Variants in NXN observed in about 807,000 individuals in gnomAD.
The protein encoded by NXN is nucleoredoxin.
NXN carries 16 observed loss-of-function variants against 48.6 expected under a neutral mutation model. The observed-to-expected ratio is 0.33, with a 90% CI of 0.22 to 0.50. The LOEUF (loss-of-function observed/expected upper bound fraction) is 0.50, where lower values mean the gene tolerates loss of function less well. Ranked by LOEUF, NXN falls within the 20% of genes least tolerant of loss-of-function variation. The probability of loss-of-function intolerance (pLI) is 0.98; values close to 1 mark genes in which losing one functional copy is unlikely to be tolerated. For synonymous variants in NXN, 281 were observed against 269.6 expected, an observed-to-expected ratio of 1.04 and a Z score of -0.41; for missense variants, 492 against 605.5, an observed-to-expected ratio of 0.81 and a Z score of 1.97.
At chr17:885,777 T>C (rs2068339854) in intron 1 of NXN, among the ~76,000 whole-genome samples, 1 of 146,160 alleles carries the variant, frequency 6.8e-6, no homozygotes, top group African/African-American at 2.6e-5. Flanking sequence ...GCCTCCCGGG[T>C]TCACGCCATT....
At chr17:946,743 G>A (rs563485671) in intron 1 of NXN, among the ~76,000 whole-genome samples, 3 of 152,338 alleles carry the variant, frequency 2.0e-5, no homozygotes, top group South Asian at 2.1e-4. Flanking sequence ...TGACGGGCTC[G>A]GCCAGCACAT....
rs146064117 is a variant in NXN at position 802,465 on chromosome 17, T to C, written c.1125+1217A>G. On this transcript the variant is annotated intron_variant, in intron 7 of 7. Coordinates refer to ENST00000336868, the MANE Select transcript of NXN (RefSeq NM_022463.5). The stretch of plus-strand genomic sequence containing the variant: ...CGAAGGAGACAGCCCAGGTGAAATA[T>C]GCGGCTCTGTGCCTGGCGTACAGAA... Among the ~76,000 whole-genome samples the C allele has an allele frequency of 2.7e-3, 412 of 152,280 alleles. 5 individuals carry two copies. The East Asian group carries it at 0.029, about 11-fold the overall frequency.
At chr17:804,038 G>A in intron 6 of NXN, 1 of 550,332 alleles carries the variant, frequency 1.8e-6, no homozygotes. Flanking sequence ...CTCCCCAGGA[G>A]GAACCTGCCT....
chr17:848,035 G>A lies in NXN; in HGVS notation c.361-21957C>T, dbSNP rs978559132. Among the ~76,000 whole-genome samples the A allele has an allele frequency of 2.3e-4, 35 of 152,090 alleles. 1 individual carries two copies. The highest frequency in any genetic ancestry group is 4.6e-4 in the Admixed American group (7 of 15,264). Reference sequence around the variant, plus strand: ...AAAACGGGGCGAGTGAAGGATCGAAGATGAAACACTACGAATTAAGCAGAG... The same window carrying A: ...AAAACGGGGCGAGTGAAGGATCGAAAATGAAACACTACGAATTAAGCAGAG... On this transcript the variant is annotated intron_variant, in intron 1 of 7. Transcript: ENST00000336868.
chr17:888,245 G>T (rs1334539517), intron 1 of NXN, among the ~76,000 whole-genome samples: 1 of 152,124 alleles, frequency 6.6e-6, no homozygotes, highest in Non-Finnish European at 1.5e-5. Flanking sequence ...TTGAGACAGG[G>T]CCTCGCTCTG....
chr17:840,765 T>G (rs1332304545), intron 1 of NXN, among the ~76,000 whole-genome samples: 1 of 152,222 alleles, frequency 6.6e-6, no homozygotes, highest in East Asian at 1.9e-4. Flanking sequence ...CTTTTCTCTC[T>G]TTATCTGAGA....
chr17:833,134 G>T lies in NXN; in HGVS notation c.361-7056C>A, dbSNP rs182074833. Among the ~76,000 whole-genome samples, 514 of 152,042 alleles carry T rather than the reference G, an allele frequency of 3.4e-3. 4 individuals carry two copies. Among genetic ancestry groups the T allele is most frequent in the African/African-American group, 0.011 (473 of 41,480 alleles). ...TCTCGACCTCCTGACCTCGTGATCC[G>T]CCCACCTCAGCCTCCCAAAATGCTG... On this transcript the variant is annotated intron_variant, in intron 1 of 7. Transcript: ENST00000336868.
At position 841,380 on chromosome 17, in the gene NXN, G is replaced by GCGCA. The variant is rs1567827279; in HGVS notation, c.361-15303_361-15302insTGCG. Among the ~76,000 whole-genome samples, 5 of 151,652 alleles carry GCGCA rather than the reference G, an allele frequency of 3.3e-5. 2 individuals are homozygous for GCGCA. The highest frequency in any genetic ancestry group is 9.7e-5 in the African/African-American group (4 of 41,150). On this transcript the variant is annotated intron_variant, in intron 1 of 7. Transcript: ENST00000336868. ...TGGGACCCAGAGCAGCCCACACACG[G>GCGCA]TGCATCTCACGCCGGCGAGCAGGTC...
At chr17:891,203 T>C (rs117242908) in intron 1 of NXN, among the ~76,000 whole-genome samples, 1 of 152,254 alleles carries the variant, frequency 6.6e-6, no homozygotes, top group East Asian at 1.9e-4. Flanking sequence ...GCCTCCCGAA[T>C]GGCTGGGACC....
chr17:935,843 G>C (rs374026998), intron 1 of NXN, among the ~76,000 whole-genome samples: 3 of 151,966 alleles, frequency 2.0e-5, no homozygotes, highest in South Asian at 2.1e-4. Context: ...CTATAATCCC[G>C]GCACTTTGGG....
In NXN at chr17:804,720, G is replaced by A. The variant is rs868839773; in HGVS notation, c.1000+348C>T. ...GAGGATCCGCAGAAGCAGCCTTGGT[G>A]AGCCTCGGCCAGAGGGGCCCAGCCC... On this transcript the variant is annotated intron_variant, in intron 6 of 7. Coordinates refer to ENST00000336868, the MANE Select transcript of NXN (RefSeq NM_022463.5). Among the ~76,000 whole-genome samples, 32 of 152,366 alleles carry A rather than the reference G, an allele frequency of 2.1e-4. No individual in the cohort carries two copies. The Middle Eastern group carries it at 0.014, about 65-fold the overall frequency.
At chr17:893,528 ATCTC>A (rs1401739975) in intron 1 of NXN, among the ~76,000 whole-genome samples, 21 of 152,238 alleles carry the variant, frequency 1.4e-4, no homozygotes, top group Non-Finnish European at 2.5e-4. Flanking sequence ...CAGAGGAAGC[ATCTC>A]AACGCCTGGA....
chr17:882,735 G>A (rs1163184994), intron 1 of NXN, among the ~76,000 whole-genome samples: 1 of 151,086 alleles, frequency 6.6e-6, no homozygotes, highest in Admixed American at 6.6e-5. Flanking sequence ...AAAGTGCTGG[G>A]ATTATAGGCG....
chr17:942,188 T>C (rs1481030314), intron 1 of NXN, among the ~76,000 whole-genome samples: 14 of 127,190 alleles, frequency 1.1e-4, no homozygotes, highest in East Asian at 5.0e-4. Context: ...CAGCCATGAA[T>C]TCACCACACA....
chr17:895,698 G>C (rs953512085), intron 1 of NXN, among the ~76,000 whole-genome samples: 2 of 150,200 alleles, frequency 1.3e-5, no homozygotes, highest in Admixed American at 6.6e-5. Context: ...GGCACCTGTA[G>C]TCCCAGCTAC....
chr17:885,625 C>G (rs34464641), intron 1 of NXN, among the ~76,000 whole-genome samples: 89,554 of 148,690 alleles, frequency 0.6, 27,128 homozygotes, highest in South Asian at 0.68. Flanking sequence ...CACACATGCC[C>G]CTCTCTGAAG....
chr17:814,248 G>C (rs932658182), intron 5 of NXN, among the ~76,000 whole-genome samples: 4 of 152,004 alleles, frequency 2.6e-5, no homozygotes, highest in Admixed American at 1.3e-4. Context: ...GATAGAGTGA[G>C]ACTCTGTCTC....
chr17:911,638 A>T (rs1236410026), intron 1 of NXN, among the ~76,000 whole-genome samples: 1 of 147,896 alleles, frequency 6.8e-6, no homozygotes, highest in South Asian at 2.1e-4. Context: ...TAATTTTTGT[A>T]TTTTTAGTAG....
chr17:916,166 T>G (rs1374256240), intron 1 of NXN, among the ~76,000 whole-genome samples: 1 of 152,176 alleles, frequency 6.6e-6, no homozygotes, highest in African/African-American at 2.4e-5. Context: ...CTAGGCCCAC[T>G]TTGCTAGAAA....
Sources: gnomAD v4.1 joint callset for allele counts (sites outside exome capture counted in the v4.1 genomes callset) on GRCh38, gnomAD v4.1.1 for gene constraint, MANE v1.5 for transcripts, NCBI Gene and HGNC (gene_info 2026-07-23, HGNC 2026-07-21) for gene names.